The following ZC3H3 variants were observed in gnomAD, a reference collection of about 807,000 sequenced individuals.
ZC3H3 encodes the protein zinc finger CCCH-type containing 3, also known as zinc finger CCCH domain-containing protein 3.
A neutral mutation model predicts 77.3 loss-of-function variants in ZC3H3; 36 were observed. The observed-to-expected ratio is 0.47, with a 90% CI of 0.36 to 0.61. ZC3H3 has a LOEUF of 0.61. Ranked by LOEUF, ZC3H3 falls within the 20% of genes least tolerant of loss-of-function variation. The pLI, the probability that ZC3H3 is intolerant of heterozygous loss-of-function variation, is 0.00. For synonymous variants in ZC3H3, 626 were observed against 555.2 expected, an observed-to-expected ratio of 1.13 and a Z score of -1.79; for missense variants, 1,331 against 1,312.2, an observed-to-expected ratio of 1.01 and a Z score of -0.22.
chr8:143,496,185 G>A (rs1464951617), intron 4 of ZC3H3, among the ~76,000 whole-genome samples: 1 of 152,154 alleles, frequency 6.6e-6, no homozygotes, highest in Non-Finnish European at 1.5e-5. Flanking sequence ...GTGCTGTCAG[G>A]GTGCGGGTGT....
chr8:143,515,068 G>A (rs982989496), intron 3 of ZC3H3, among the ~76,000 whole-genome samples: 19 of 152,330 alleles, frequency 1.2e-4, no homozygotes, highest in African/African-American at 3.6e-4. Context: ...TGCACCCACC[G>A]TCTGGATTCA....
At chr8:143,510,405 TC>T (rs1821835994) in intron 3 of ZC3H3, among the ~76,000 whole-genome samples, 1 of 152,146 alleles carries the variant, frequency 6.6e-6, no homozygotes, top group South Asian at 2.1e-4. Context: ...TCCCTGTCAT[TC>T]CCAGATGGGC....
intron 9 of ZC3H3, among the ~76,000 whole-genome samples, chr8:143,445,072 G>A (rs1033308121): frequency 6.6e-6 from 1 of 152,116 alleles, no homozygotes; most frequent in African/African-American, 2.4e-5. Flanking sequence ...AAAACTATTA[G>A]GAATAAATCT....
intron 3 of ZC3H3, among the ~76,000 whole-genome samples, chr8:143,520,051 A>G (rs1028150454): frequency 6.6e-6 from 1 of 152,118 alleles, no homozygotes; most frequent in Non-Finnish European, 1.5e-5. Context: ...CGAAGGCACA[A>G]TGGAACTGGG....
chr8:143,463,210 C>A (rs1820312945), intron 9 of ZC3H3, among the ~76,000 whole-genome samples: 1 of 152,132 alleles, frequency 6.6e-6, no homozygotes, highest in African/African-American at 2.4e-5. Context: ...GTTTTGAACT[C>A]CTGACCTCAG....
chr8:143,527,039 G>C (rs116474000), intron 3 of ZC3H3, among the ~76,000 whole-genome samples: 2,656 of 152,272 alleles, frequency 0.017, 81 homozygotes, highest in African/African-American at 0.061. Context: ...CAGGCCAGCA[G>C]GGGTGGCCAT....
rs1201039743 is a variant in ZC3H3 at position 143,463,489 on chromosome 8, G to A, written c.2307+2228C>T. On this transcript the variant is annotated intron_variant, in intron 9 of 11. Coordinates refer to ENST00000262577, the MANE Select transcript of ZC3H3 (RefSeq NM_015117.3). Reference sequence around the variant, plus strand: ...CGGACACACCCGTGGACAAACAGGCGAGCGGTGAGCACGGAGGAGGGAAAA... The same window carrying A: ...CGGACACACCCGTGGACAAACAGGCAAGCGGTGAGCACGGAGGAGGGAAAA... Among the ~76,000 whole-genome samples the A allele has an allele frequency of 3.3e-5, 5 of 152,202 alleles. No individual in the cohort carries two copies. The South Asian group carries it at 6.2e-4, about 19-fold the overall frequency.
intron 4 of ZC3H3, among the ~76,000 whole-genome samples, chr8:143,505,535 T>TCGTG (rs1821663087): frequency 6.6e-6 from 1 of 151,186 alleles, no homozygotes; most frequent in Non-Finnish European, 1.5e-5. Flanking sequence ...TTCCTAAGAG[T>TCGTG]CGTGCCCCTC....
chr8:143,516,514 A>C (rs1286924210), intron 3 of ZC3H3, among the ~76,000 whole-genome samples: 3 of 148,828 alleles, frequency 2.0e-5, no homozygotes, highest in Admixed American at 1.3e-4. Flanking sequence ...GCGCGAAAGG[A>C]AACTTTGCAA....
Position 143,530,999 on chromosome 8 carries a change from A to C in ZC3H3, c.1561+5258T>G, listed in dbSNP as rs1822585832. ...TTTTGAGACAGGGTCTCATTCTGTC[A>C]CCCAGGTTGCAGTGCAGTGGTGCGA... is the stretch of plus-strand genomic sequence containing the variant. On this transcript the variant is annotated intron_variant, in intron 3 of 11. Transcript: ENST00000262577. This position sits in a 1 kb window ranked among gnomAD's most constrained non-coding sequence, Gnocchi z 4.3. Among the ~76,000 whole-genome samples, 1 of 130,754 alleles carries C rather than the reference A, an allele frequency of 7.6e-6. No individual in the cohort carries two copies. Among genetic ancestry groups the C allele is most frequent in the Non-Finnish European group, 1.6e-5 (1 of 64,054 alleles). The allele number at this position is 130,754 out of a possible 152,430, so 85.8% of individuals were successfully genotyped here. A position where few individuals can be genotyped will look rare whatever the true frequency, so the allele number is the denominator to read the frequency against.
At chr8:143,529,158 C>T (rs1822517326) in intron 3 of ZC3H3, among the ~76,000 whole-genome samples, 1 of 152,202 alleles carries the variant, frequency 6.6e-6, no homozygotes, top group Non-Finnish European at 1.5e-5. Flanking sequence ...CAAGCCGGGC[C>T]TTCGAGGTGG....
chr8:143,536,407 TGGC>T lies in ZC3H3; in HGVS notation c.1408_1410del (p.Ala470del), dbSNP rs1472112974. ...CTCCGCCGGAGGCTGAGGTGGCTCT[TGGC>T]GGTGGCGGCAGGTGAGGTGCCGCTT... On this transcript the variant is annotated inframe_deletion, in exon 3 of 12. Transcript: ENST00000262577. 6.4e-6 allele frequency: 10 copies of T among 1,560,704 alleles called. No individual in the cohort carries two copies. Among genetic ancestry groups the T allele is most frequent in the Middle Eastern group, 1.7e-4 (1 of 5,864 alleles).
intron 5 of ZC3H3, among the ~76,000 whole-genome samples, chr8:143,473,240 G>A (rs976945674): frequency 1.3e-5 from 2 of 152,018 alleles, no homozygotes; most frequent in Admixed American, 6.5e-5. Context: ...AGGGTCCTGC[G>A]ATGCCTCACG....
intron 3 of ZC3H3, among the ~76,000 whole-genome samples, chr8:143,518,873 C>A (rs892620290): frequency 6.6e-6 from 1 of 152,240 alleles, no homozygotes; most frequent in African/African-American, 2.4e-5. Context: ...GACAGAGGCT[C>A]CCCTGGCCTT....
chr8:143,450,859 G>A (rs1301704885), intron 9 of ZC3H3, among the ~76,000 whole-genome samples: 1 of 152,210 alleles, frequency 6.6e-6, no homozygotes, highest in Non-Finnish European at 1.5e-5. Flanking sequence ...ACAGGTCAAA[G>A]CACATCACAC....
intron 2 of ZC3H3, 148 bp downstream of exon 2, chr8:143,537,855 A>G: frequency 2.1e-6 from 2 of 942,374 alleles, no homozygotes; most frequent in Non-Finnish European, 3.2e-6. Flanking sequence ...AGCCCAAACC[A>G]CCACAGCAGC....
Position 143,539,336 on chromosome 8 carries a change from C to G in ZC3H3, c.47-16G>C, listed in dbSNP as rs754064787. On this transcript the variant is annotated splice_polypyrimidine_tract_variant and intron_variant, in intron 1 of 11. Transcript: ENST00000262577. ...TCAATCAGACCTGAGAAGACAGAACCACAGGCCCAGTTAGCCAGAGGGTAA... is the reference window on the plus strand; with the variant it reads ...TCAATCAGACCTGAGAAGACAGAACGACAGGCCCAGTTAGCCAGAGGGTAA... 13 of 1,581,448 alleles carry G rather than the reference C, an allele frequency of 8.2e-6. No individual in the cohort carries two copies. Among genetic ancestry groups the G allele is most frequent in the Non-Finnish European group, 1.1e-5 (13 of 1,163,900 alleles).
intron 9 of ZC3H3, among the ~76,000 whole-genome samples, chr8:143,447,749 G>A (rs904625840): frequency 2.0e-5 from 3 of 152,092 alleles, no homozygotes; most frequent in South Asian, 2.1e-4. Context: ...GAGAGAGAGC[G>A]GGGCAGATGC....
Position 143,511,743 on chromosome 8 carries a change from G to A in ZC3H3, c.1562-3844C>T, listed in dbSNP as rs566279315. 2.6e-5 allele frequency among the ~76,000 whole-genome samples: 4 copies of A among 152,330 alleles called. No individual in the cohort carries two copies. In the East Asian group the frequency reaches 5.8e-4, roughly 22 times the overall value. ...TTATGCACAGTGGGCTACAGAGATG[G>A]GAGCACCAGGGCCTCCAGAAATAGC... On this transcript the variant is annotated intron_variant, in intron 3 of 11. Coordinates refer to ENST00000262577, the MANE Select transcript of ZC3H3 (RefSeq NM_015117.3).
Sources: allele counts gnomAD v4.1 joint callset (sites outside exome capture counted in the v4.1 genomes callset), GRCh38; gene constraint gnomAD v4.1.1; non-coding constraint Gnocchi (gnomAD v3.1); transcripts MANE v1.5; gene names NCBI Gene and HGNC (gene_info 2026-07-23, HGNC 2026-07-21).